The following NLGN4X variants were observed in gnomAD, a reference collection of about 807,000 sequenced individuals.
NLGN4X encodes the protein neuroligin 4 X-linked.
Under a neutral mutation model 40.3 loss-of-function variants are expected in NLGN4X, and 3 were observed. The observed-to-expected ratio is 0.07, with a 90% CI of 0.03 to 0.19. The LOEUF is 0.19. Among genes scored for constraint, NLGN4X ranks in the 10% least tolerant of loss-of-function variants. NLGN4X has a pLI of 1.00. For synonymous variants in NLGN4X, 270 were observed against 306.8 expected (o/e 0.88, Z 1.25); for missense variants, 382 against 708.3 (o/e 0.54, Z 5.23).
At chrX:5,972,836 CTG>C (rs1279708706) in intron 3 of NLGN4X, among the ~76,000 whole-genome samples, 23 of 110,959 alleles carry the variant, frequency 2.1e-4, no homozygotes, top group African/African-American at 7.5e-4. Flanking sequence ...GCATGAGACA[CTG>C]TGCCTTGCAG....
chrX:5,927,584 T>A (rs2033382772), intron 3 of NLGN4X, among the ~76,000 whole-genome samples: 1 of 112,443 alleles, frequency 8.9e-6, no homozygotes, highest in Non-Finnish European at 1.9e-5. Context: ...GAGAATTTAC[T>A]TTACTTCTTG....
chrX:5,929,413 G>T (rs1601904144), intron 3 of NLGN4X, among the ~76,000 whole-genome samples: 1 of 111,792 alleles, frequency 8.9e-6, no homozygotes, highest in Admixed American at 9.5e-5. Context: ...GTTGCAGTGA[G>T]CGCCACTGCA....
intron 3 of NLGN4X, among the ~76,000 whole-genome samples, chrX:5,993,170 T>C (rs933154627): frequency 1.8e-5 from 2 of 110,730 alleles, no homozygotes; most frequent in African/African-American, 6.6e-5. Context: ...CATTGCAGTA[T>C]ATTGAGCAAC....
At chrX:5,959,970 C>T (rs1008326676) in intron 3 of NLGN4X, among the ~76,000 whole-genome samples, 1 of 111,133 alleles carries the variant, frequency 9.0e-6, no homozygotes, top group African/African-American at 3.3e-5. Context: ...ACTTATTCCA[C>T]TGACATTATA....
At chrX:5,921,920 C>T (rs749963292) in intron 3 of NLGN4X, among the ~76,000 whole-genome samples, 1 of 110,932 alleles carries the variant, frequency 9.0e-6, no homozygotes, top group East Asian at 2.9e-4. Flanking sequence ...TTTAGTGAGG[C>T]GGTCTCAGGC....
chrX:5,930,000 G>C (rs1208291946), intron 3 of NLGN4X, among the ~76,000 whole-genome samples: 1 of 112,440 alleles, frequency 8.9e-6, no homozygotes, highest in Non-Finnish European at 1.9e-5. Flanking sequence ...TCAGAGATAA[G>C]AATGTTCTAT....
intron 3 of NLGN4X, among the ~76,000 whole-genome samples, chrX:5,982,182 CAA>C (rs1345675796): frequency 8.9e-6 from 1 of 111,826 alleles, no homozygotes; most frequent in Non-Finnish European, 1.9e-5. Flanking sequence ...TGCGAATAAA[CAA>C]GAGTATGACT....
intron 2 of NLGN4X, among the ~76,000 whole-genome samples, chrX:6,076,009 C>A (rs754316883): frequency 9.0e-6 from 1 of 111,695 alleles, no homozygotes; most frequent in Admixed American, 9.5e-5. Context: ...AAGAGCTGGT[C>A]ACTCAAGCCA....
chrX:5,975,579 C>T (rs896750281), intron 3 of NLGN4X, among the ~76,000 whole-genome samples: 2 of 101,027 alleles, frequency 2.0e-5, no homozygotes, highest in East Asian at 3.1e-4. Context: ...CGCCACTGCA[C>T]TCCAGCCTGG....
At chrX:5,929,652 A>C (rs1234166186) in intron 3 of NLGN4X, among the ~76,000 whole-genome samples, 1 of 112,477 alleles carries the variant, frequency 8.9e-6, no homozygotes, top group Admixed American at 9.4e-5. Context: ...TACATGTATA[A>C]CTAGAATATT....
chrX:5,938,780 A>G (rs1214351901), intron 3 of NLGN4X, among the ~76,000 whole-genome samples: 1 of 111,751 alleles, frequency 8.9e-6, no homozygotes, highest in Non-Finnish European at 1.9e-5. Flanking sequence ...AAACACAAGG[A>G]GAAGGGAAAA....
intron 2 of NLGN4X, among the ~76,000 whole-genome samples, chrX:6,060,289 G>A (rs184088181): frequency 4.2e-4 from 47 of 111,507 alleles, no homozygotes; most frequent in Non-Finnish European, 7.0e-4. Context: ...TGGTGGTACC[G>A]AATCTTCTTT....
At chrX:6,156,992 G>A (rs1305790512) in intron 1 of NLGN4X, among the ~76,000 whole-genome samples, 1 of 111,231 alleles carries the variant, frequency 9.0e-6, no homozygotes, top group East Asian at 2.8e-4. Flanking sequence ...AGCAATTGGA[G>A]AGTAAAAATG....
chrX:6,030,392 A>ATTGTGTGTGTGTGTGTGTGTGTGTG (rs56353701), intron 2 of NLGN4X, among the ~76,000 whole-genome samples: 1,989 of 68,192 alleles, frequency 0.029, 39 homozygotes, highest in East Asian at 0.053. Context: ...CTGGATACAG[A>ATTGTGTGTGTGTGTGTGTGTGTGTG]TATGTGTGTG....
intron 2 of NLGN4X, among the ~76,000 whole-genome samples, chrX:6,120,297 A>G (rs1407838927): frequency 8.9e-6 from 1 of 112,008 alleles, no homozygotes; most frequent in Non-Finnish European, 1.9e-5. Context: ...CACTGTTTTG[A>G]TCATCATCAT....
chrX:5,929,577 CAT>C (rs1253507779), intron 3 of NLGN4X, among the ~76,000 whole-genome samples: 8 of 112,219 alleles, frequency 7.1e-5, no homozygotes, highest in African/African-American at 1.3e-4. Flanking sequence ...TGCATGCACA[CAT>C]GTGTGCACAC....
At chrX:5,993,832 G>A (rs2035749541) in intron 3 of NLGN4X, among the ~76,000 whole-genome samples, 1 of 111,927 alleles carries the variant, frequency 8.9e-6, no homozygotes, top group African/African-American at 3.2e-5. Flanking sequence ...GAGGATCACA[G>A]AAGAGGTTCA....
chrX:6,055,855 G>GAA (rs1330531919), intron 2 of NLGN4X, among the ~76,000 whole-genome samples: 3 of 111,461 alleles, frequency 2.7e-5, no homozygotes, highest in Non-Finnish European at 5.7e-5. Context: ...CTTTGAAACT[G>GAA]ATGCTGCCAA....
chrX:6,019,063 G>T, intron 3 of NLGN4X, among the ~76,000 whole-genome samples: 1 of 111,967 alleles, frequency 8.9e-6, no homozygotes, highest in African/African-American at 3.2e-5. Flanking sequence ...TAAATGCAGG[G>T]TGTACCTGCC....
Sources: gnomAD v4.1 joint callset for allele counts (sites outside exome capture counted in the v4.1 genomes callset) on GRCh38, gnomAD v4.1.1 for gene constraint, MANE v1.5 for transcripts, NCBI Gene and HGNC (gene_info 2026-07-23, HGNC 2026-07-21) for gene names.